The following ATP11A variants were observed in gnomAD, a reference collection of about 807,000 sequenced individuals.
ATP11A encodes ATPase phospholipid transporting 11A, also known as phospholipid-transporting ATPase IH.
A neutral mutation model predicts 154.4 loss-of-function variants in ATP11A; 81 were observed. The observed-to-expected ratio is 0.52, with a 90% CI of 0.44 to 0.63. ATP11A has a LOEUF of 0.63. Among genes scored for constraint, ATP11A ranks in the 30% least tolerant of loss-of-function variants. ATP11A has a pLI of 0.00. For missense variants in ATP11A, 1,316 were observed against 1,474.3 expected (o/e 0.89, Z 1.76); for synonymous variants, 623 against 585.9 (o/e 1.06, Z -0.91).
intron 14 of ATP11A, 127 bp from the exon 15 acceptor site, chr13:112,834,462 A>G: frequency 1.5e-6 from 1 of 667,942 alleles, no homozygotes; most frequent in Non-Finnish European, 2.7e-6. Context: ...TGCAGTTTAT[A>G]ATCTCTGTTT....
At chr13:112,836,084 C>G in intron 15 of ATP11A, 94 bp from the exon 16 acceptor site, 3 of 905,020 alleles carry the variant, frequency 3.3e-6, no homozygotes, top group Non-Finnish European at 5.2e-6. Context: ...CCAGGGCTGC[C>G]CCAGCCATTC....
intron 25 of ATP11A, among the ~76,000 whole-genome samples, chr13:112,863,733 C>T (rs182852175): frequency 8.2e-5 from 8 of 97,954 alleles, no homozygotes; most frequent in Admixed American, 1.2e-4. Context: ...TCACCACCTG[C>T]GCAGTAATTC....
Position 112,884,748 on chromosome 13 carries a change from A to G in ATP11A, c.*2882A>G, listed in dbSNP as rs559785308. The G allele has an allele frequency of 6.6e-6, 1 of 152,396 alleles. No individual in the cohort carries two copies. The highest frequency in any genetic ancestry group is 1.9e-4 in the East Asian group (1 of 5,186). 9.4% of individuals were successfully genotyped at this position (152,396 alleles called of 1,614,324 possible). ...GAGACACGGTCACTGATTCACACCC[A>G]GTCCCTGCCACAGACCGTCTCAGAC... On this transcript the variant is annotated 3_prime_UTR_variant, in exon 30 of 30. Transcript: ENST00000375645.
chr13:112,803,898 T>TC (rs1475781559), intron 2 of ATP11A, among the ~76,000 whole-genome samples: 26 of 87,310 alleles, frequency 3.0e-4, no homozygotes, highest in Non-Finnish European at 3.1e-4. Context: ...TTCCCCTCCT[T>TC]CCCTCCTTCA....
chr13:112,860,596 T>C (rs2080072741), intron 24 of ATP11A, 182 bp downstream of exon 24: 1 of 654,142 alleles, frequency 1.5e-6, no homozygotes, highest in Non-Finnish European at 2.5e-6. Context: ...CAAATGGAGA[T>C]TCTTCAAGTC....
rs7323586 is a variant in ATP11A at position 112,824,340 on chromosome 13, G to A, written c.791-4G>A. The A allele has an allele frequency of 6.2e-7, 1 of 1,612,274 alleles. No homozygotes were observed. Among genetic ancestry groups the A allele is most frequent in the Non-Finnish European group, 8.5e-7 (1 of 1,178,480 alleles). On this transcript the variant is annotated splice_polypyrimidine_tract_variant and splice_region_variant and intron_variant, in intron 9 of 29. Transcript: ENST00000375645. ...GTCATCACCCTTGCTCTTCCTCTCT[G>A]TAGGTGTGGCTATTTACACGGGAAT... is the stretch of plus-strand genomic sequence containing the variant.
intron 1 of ATP11A, among the ~76,000 whole-genome samples, chr13:112,764,531 G>T (rs2077031459): frequency 6.6e-6 from 1 of 152,184 alleles, no homozygotes; most frequent in Non-Finnish European, 1.5e-5. Context: ...CCTGGGCTGG[G>T]CCCCCACCCT....
At chr13:112,719,103 G>A (rs955370508) in intron 1 of ATP11A, among the ~76,000 whole-genome samples, 6 of 152,116 alleles carry the variant, frequency 3.9e-5, no homozygotes, top group Non-Finnish European at 5.9e-5. Context: ...TTTGAATTGC[G>A]TCAAATGCCA....
chr13:112,876,742 G>A (rs1165795507), intron 28 of ATP11A, among the ~76,000 whole-genome samples: 1 of 152,256 alleles, frequency 6.6e-6, no homozygotes, highest in Non-Finnish European at 1.5e-5. Context: ...TGCTCCTGCA[G>A]GGTGTGAGGC....
At chr13:112,822,421 C>T (rs541456821) in intron 8 of ATP11A, among the ~76,000 whole-genome samples, 23 of 152,202 alleles carry the variant, frequency 1.5e-4, no homozygotes, top group African/African-American at 4.8e-4. Flanking sequence ...TGCTTGTTTT[C>T]CCCCCAAAGC....
chr13:112,814,292 G>T (rs1222119235), intron 5 of ATP11A, among the ~76,000 whole-genome samples: 3 of 151,954 alleles, frequency 2.0e-5, no homozygotes, highest in Non-Finnish European at 4.4e-5. Context: ...TGAACTGCTG[G>T]CGTCAAGTGA....
At chr13:112,760,395 AT>A (rs1413831987) in intron 1 of ATP11A, among the ~76,000 whole-genome samples, 1 of 152,178 alleles carries the variant, frequency 6.6e-6, no homozygotes, top group Non-Finnish European at 1.5e-5. Flanking sequence ...AGCATTACCC[AT>A]TTGGGTGAGG....
At chr13:112,705,150 T>G (rs1886995289) in intron 1 of ATP11A, among the ~76,000 whole-genome samples, 1 of 152,216 alleles carries the variant, frequency 6.6e-6, no homozygotes, top group Admixed American at 6.5e-5. Context: ...CAGTAATAAA[T>G]GACTTTGGTA....
chr13:112,707,989 G>A lies in ATP11A; in HGVS notation c.39+17534G>A, dbSNP rs147608966. 1.0e-3 allele frequency among the ~76,000 whole-genome samples: 157 copies of A among 152,310 alleles called. No individual in the cohort carries two copies. In the East Asian group the frequency reaches 0.012, roughly 12 times the overall value. ...TTTGAAAACTACAACGCCTGCAGCC[G>A]GCATTGGTCAACAGGAAGGGCCCAA... On this transcript the variant is annotated intron_variant, in intron 1 of 29. Coordinates refer to ENST00000375645, the MANE Select transcript of ATP11A (RefSeq NM_015205.3).
chr13:112,766,217 G>A (rs1050733963), intron 1 of ATP11A, among the ~76,000 whole-genome samples: 3 of 148,474 alleles, frequency 2.0e-5, no homozygotes, highest in African/African-American at 5.2e-5. Context: ...ATGCAAGGTC[G>A]TCCAACCTGC....
rs1452090095 is a variant in ATP11A at position 112,807,904 on chromosome 13, C to G, written c.333+1611C>G. 6.6e-6 allele frequency among the ~76,000 whole-genome samples: 1 copy of G among 152,100 alleles called. No individual in the cohort carries two copies. The highest frequency in any genetic ancestry group is 1.5e-5 in the Non-Finnish European group (1 of 68,026). On this transcript the variant is annotated intron_variant, in intron 4 of 29. Transcript: ENST00000375645. The surrounding 1 kb of genome is among the most constrained non-coding windows in gnomAD (Gnocchi z 4.5). ...ATGGCTCTGTTCTTTCCAGCCTGGCCCCAGGAGGCAGGCGTAGCACTGTTC... is the reference window on the plus strand; with the variant it reads ...ATGGCTCTGTTCTTTCCAGCCTGGCGCCAGGAGGCAGGCGTAGCACTGTTC...
Position 112,855,942 on chromosome 13 carries a change from A to G in ATP11A, c.2275A>G (p.Ile759Val), listed in dbSNP as rs766618978. 9.9e-6 allele frequency: 16 copies of G among 1,613,904 alleles called. No individual in the cohort carries two copies. The highest frequency in any genetic ancestry group is 7.7e-5 in the South Asian group (7 of 91,050). ...AGCAGATATGCAGGACTACGGTTTA[A>G]TTATCGACGGAGCTGCACTGTCTCT... ...LSADMQDYGLIIDGAALSLIM... is the reference protein window; with the variant it reads ...LSADMQDYGLVIDGAALSLIM... Residue 759 changes from isoleucine to valine, a missense_variant, in exon 20 of 30, where the codon ATT (isoleucine) becomes GTT (valine). Coordinates refer to ENST00000375645, the MANE Select transcript of ATP11A (RefSeq NM_015205.3).
intron 4 of ATP11A, among the ~76,000 whole-genome samples, chr13:112,809,347 C>CTTAA (rs2078420913): frequency 6.6e-6 from 1 of 152,234 alleles, no homozygotes; most frequent in African/African-American, 2.4e-5. Flanking sequence ...TCCCAGGCTT[C>CTTAA]TTAATTCTCC....
chr13:112,783,060 A>G (rs1261576781), intron 1 of ATP11A, among the ~76,000 whole-genome samples: 1 of 152,254 alleles, frequency 6.6e-6, no homozygotes, highest in Admixed American at 6.5e-5. Context: ...GTCCTAATAA[A>G]AGAAATTGCA....
Sources: allele counts gnomAD v4.1 joint callset (sites outside exome capture counted in the v4.1 genomes callset), GRCh38; gene constraint gnomAD v4.1.1; non-coding constraint Gnocchi (gnomAD v3.1); transcripts MANE v1.5; gene names NCBI Gene and HGNC (gene_info 2026-07-23, HGNC 2026-07-21).